USP9X: variants seen among roughly 807,000 people sequenced by gnomAD.
The protein encoded by USP9X is ubiquitin carboxyl-terminal hydrolase 9X.
A neutral mutation model predicts 190.3 loss-of-function variants in USP9X; 7 were observed. The observed-to-expected ratio is 0.04, with a 90% CI of 0.02 to 0.07. The LOEUF is 0.07. Ranked by LOEUF, USP9X falls within the 10% of genes least tolerant of loss-of-function variation. USP9X has a pLI of 1.00. For synonymous variants in USP9X, 645 were observed against 659.5 expected, an observed-to-expected ratio of 0.98 and a Z score of 0.34; for missense variants, 1,010 against 1,916.9, an observed-to-expected ratio of 0.53 and a Z score of 8.83.
intron 10 of USP9X, 34 bp downstream of exon 10, chrX:41,143,477 T>C (rs1165694658): frequency 1.8e-6 from 2 of 1,105,022 alleles, no homozygotes; most frequent in Non-Finnish European, 2.4e-6. Context: ...ATTTAGTTTT[T>C]AAAATAAAGA....
chrX:41,182,540 T>G (rs2062836819), intron 21 of USP9X, among the ~76,000 whole-genome samples: 2 of 110,944 alleles, frequency 1.8e-5, no homozygotes, highest in African/African-American at 6.6e-5. Flanking sequence ...AGGGAGTAAT[T>G]TGACAATGTA....
chrX:41,149,924 T>C (rs2062507798), intron 12 of USP9X, among the ~76,000 whole-genome samples: 2 of 110,795 alleles, frequency 1.8e-5, no homozygotes, highest in Admixed American at 9.6e-5. Flanking sequence ...CAGGCTGGTC[T>C]CGAACTCCTG....
rs2063381529 is a variant in USP9X at position 41,233,844 on chromosome X, T to C, written c.*1320T>C. 1 of 112,189 alleles carries C rather than the reference T, an allele frequency of 8.9e-6. No individual in the cohort carries two copies. The highest frequency in any genetic ancestry group is 3.2e-5 in the African/African-American group (1 of 30,810). The allele number at this position is 112,189 out of a possible 1,213,427, so 9.2% of individuals were successfully genotyped here. ...TGTATTTAAAAGAGAATTGGTAACT[T>C]GAATGTGTGTAATTTTTTGGAACCT... is the stretch of plus-strand genomic sequence containing the variant. On this transcript the variant is annotated 3_prime_UTR_variant, in exon 45 of 45. Coordinates refer to ENST00000378308, the MANE Select transcript of USP9X (RefSeq NM_001039591.3).
Position 41,152,975 on chromosome X carries a change from T to C in USP9X, c.1791T>C (p.Phe597=). Residue 597 remains phenylalanine, a synonymous_variant, in exon 14 of 45, where the codon TTT becomes TTC. Coordinates refer to ENST00000378308, the MANE Select transcript of USP9X (RefSeq NM_001039591.3). ...LSQTQRSPHV[F]YRHDLINQLQ... is the part of the protein sequence containing the mutation. ...AAACTCAGCGAAGTCCCCATGTGTT[T>C]TATCGCCATGACTTAATCAATCAAC... is the stretch of plus-strand genomic sequence containing the variant. The C allele has an allele frequency of 8.3e-7, 1 of 1,209,985 alleles. No individual in the cohort carries two copies.
chrX:41,213,196 C>T (rs770938553), intron 33 of USP9X, among the ~76,000 whole-genome samples: 2 of 111,429 alleles, frequency 1.8e-5, no homozygotes, highest in African/African-American at 6.5e-5. Flanking sequence ...GCTTGGGAGG[C>T]TGAGTCAGGA....
intron 25 of USP9X, 70 bp downstream of exon 25, chrX:41,188,187 T>C: frequency 9.8e-7 from 1 of 1,020,328 alleles, no homozygotes; most frequent in Non-Finnish European, 1.3e-6. Flanking sequence ...GTTTGATTTT[T>C]ATTAGCTTTG....
rs1569158848 is a variant in USP9X, at chrX:41,125,713, C to CTG, written c.96+1990_96+1991insGT. On this transcript the variant is annotated intron_variant, in intron 2 of 44. Transcript: ENST00000378308. The stretch of plus-strand genomic sequence containing the variant: ...TCTCTCTCTCTCTCTCTCTCTCTCT[C>CTG]TCTCTCGCGCACGCGCGCGCGCTCT... 3.2e-4 allele frequency among the ~76,000 whole-genome samples: 34 copies of CTG among 105,072 alleles called. 1 individual carries two copies. Among genetic ancestry groups the CTG allele is most frequent in the African/African-American group, 1.2e-3 (33 of 27,932 alleles). The allele number at this position is 105,072 out of a possible 115,157, so 91.2% of individuals were successfully genotyped here.
chrX:41,215,906 C>G lies in USP9X; in HGVS notation c.5339C>G (p.Thr1780Ser). ...TTGTCTTGTTTATTTTAGGTTGATACCGTAAAGCGCTTGCTGATTAAAAAA... is the reference window on the plus strand; with the variant it reads ...TTGTCTTGTTTATTTTAGGTTGATAGCGTAAAGCGCTTGCTGATTAAAAAA... ...HCEKCNKKVD[T>S]VKRLLIKKLP... Residue 1780 changes from threonine to serine, a missense_variant, in exon 35 of 45, where the codon ACC becomes AGC. Transcript: ENST00000378308. 8.3e-7 allele frequency: 1 copy of G among 1,205,959 alleles called. No homozygotes were observed. Among genetic ancestry groups the G allele is most frequent in the Non-Finnish European group, 1.1e-6 (1 of 892,561 alleles).
chrX:41,159,479 TAA>T (rs768082035), intron 14 of USP9X, among the ~76,000 whole-genome samples: 1 of 111,686 alleles, frequency 9.0e-6, no homozygotes, highest in South Asian at 3.7e-4. Context: ...AACATTATGC[TAA>T]GTGGGAAAAA....
chrX:41,151,612 T>G (rs1285851719), intron 13 of USP9X, among the ~76,000 whole-genome samples: 1 of 112,355 alleles, frequency 8.9e-6, no homozygotes, highest in Non-Finnish European at 1.9e-5. Flanking sequence ...AGAAGGAATA[T>G]TCACAGTGGA....
At chrX:41,193,030 G>A (rs936542180) in intron 26 of USP9X, among the ~76,000 whole-genome samples, 3 of 111,300 alleles carry the variant, frequency 2.7e-5, no homozygotes, top group African/African-American at 9.8e-5. Flanking sequence ...CATGGAGAAA[G>A]TATATTTTAA....
At chrX:41,226,664 C>T (rs2063316392) in intron 41 of USP9X, among the ~76,000 whole-genome samples, 1 of 111,691 alleles carries the variant, frequency 9.0e-6, no homozygotes, top group Admixed American at 9.5e-5. Flanking sequence ...AGCATTAAAC[C>T]AAAAATCAAT....
In USP9X at chrX:41,088,754, G is replaced by C. The variant is rs2061931749; in HGVS notation, c.-159+2645G>C. ...CTTGTAGGTATGTTTTCTGAGTCTT[G>C]AATTGTTTTTCTTTTTTTTTTCAAA... On this transcript the variant is annotated intron_variant, in intron 1 of 44. Transcript: ENST00000378308. 2.7e-5 allele frequency among the ~76,000 whole-genome samples: 3 copies of C among 110,233 alleles called. No homozygotes were observed. The South Asian group carries it at 1.1e-3, about 42-fold the overall frequency.
At chrX:41,171,095 G>A (rs969911464) in intron 20 of USP9X, among the ~76,000 whole-genome samples, 1 of 112,124 alleles carries the variant, frequency 8.9e-6, no homozygotes, top group Non-Finnish European at 1.9e-5. Context: ...AAATGGACCT[G>A]TGCAGTTCAA....
intron 11 of USP9X, 59 bp from the exon 12 acceptor site, chrX:41,148,310 C>T: frequency 8.7e-7 from 1 of 1,144,107 alleles, no homozygotes; most frequent in Non-Finnish European, 1.2e-6. Context: ...AACCTGGTGA[C>T]AATTTATGAA....
In USP9X at chrX:41,233,138, G is replaced by A. The variant is rs2147286138; in HGVS notation, c.*614G>A. On this transcript the variant is annotated 3_prime_UTR_variant, in exon 45 of 45. Coordinates refer to ENST00000378308, the MANE Select transcript of USP9X (RefSeq NM_001039591.3). The stretch of plus-strand genomic sequence containing the variant: ...CATTGCCTTTTTATTCTGATATTAG[G>A]TTAATCACTTTGAAGCTATAGTTAT... 1.8e-5 allele frequency: 2 copies of A among 111,934 alleles called. No individual in the cohort carries two copies. Among genetic ancestry groups the A allele is most frequent in the Non-Finnish European group, 3.8e-5 (2 of 53,210 alleles). 9.2% of individuals were successfully genotyped at this position (111,934 alleles called of 1,213,427 possible). A position where few individuals can be genotyped will look rare whatever the true frequency, so the allele number is the denominator to read the frequency against.
chrX:41,115,904 A>G (rs1038104989), intron 1 of USP9X, among the ~76,000 whole-genome samples: 10 of 111,949 alleles, frequency 8.9e-5, no homozygotes, highest in African/African-American at 2.9e-4. Flanking sequence ...GAGTTGGGAT[A>G]ATGACTGGGT....
chrX:41,155,971 A>G (rs1318009184), intron 14 of USP9X, among the ~76,000 whole-genome samples: 1 of 112,174 alleles, frequency 8.9e-6, no homozygotes, highest in Non-Finnish European at 1.9e-5. Flanking sequence ...AAAATAAAAT[A>G]TGAAAATACT....
At chrX:41,209,692 A>G (rs1339881226) in intron 32 of USP9X, among the ~76,000 whole-genome samples, 2 of 112,348 alleles carry the variant, frequency 1.8e-5, no homozygotes, top group Non-Finnish European at 1.9e-5. Flanking sequence ...TTTTTAACAA[A>G]TAATATATTT....
Sources: allele counts gnomAD v4.1 joint callset (sites outside exome capture counted in the v4.1 genomes callset), GRCh38; gene constraint gnomAD v4.1.1; transcripts MANE v1.5; gene names NCBI Gene and HGNC (gene_info 2026-07-23, HGNC 2026-07-21).